GRM8: variants seen among roughly 807,000 people sequenced by gnomAD.
GRM8 encodes glutamate metabotropic receptor 8, also known as metabotropic glutamate receptor 8.
A neutral mutation model predicts 87.2 loss-of-function variants in GRM8; 47 were observed. The observed-to-expected ratio is 0.54, with a 90% CI of 0.43 to 0.69. The LOEUF is 0.69. GRM8 is among the 30% of genes least tolerant of loss of function. The pLI, the probability that GRM8 is intolerant of heterozygous loss-of-function variation, is 0.00. For missense variants in GRM8, 1,019 were observed against 1,139.2 expected (o/e 0.89, Z 1.52); for synonymous variants, 396 against 404.5 (o/e 0.98, Z 0.25).
At chr7:126,759,184 A>G (rs1817331618) in intron 7 of GRM8, among the ~76,000 whole-genome samples, 1 of 152,116 alleles carries the variant, frequency 6.6e-6, no homozygotes, top group Non-Finnish European at 1.5e-5. Flanking sequence ...AGCATAAGCC[A>G]CAGCGCCCAG....
chr7:127,186,739 T>C (rs780593545), intron 2 of GRM8, among the ~76,000 whole-genome samples: 2 of 152,190 alleles, frequency 1.3e-5, no homozygotes, highest in Non-Finnish European at 2.9e-5. Context: ...AGCTTTTCAG[T>C]TGTAATGCAA....
intron 2 of GRM8, among the ~76,000 whole-genome samples, chr7:127,207,569 G>A (rs1405441828): frequency 6.6e-6 from 1 of 152,128 alleles, no homozygotes; most frequent in Non-Finnish European, 1.5e-5. Context: ...TGCTAGGAAG[G>A]TGTTATTACA....
intron 7 of GRM8, among the ~76,000 whole-genome samples, chr7:126,749,485 CAAAAGATACCATTATG>C (rs1168479683): frequency 6.6e-6 from 1 of 151,074 alleles, no homozygotes; most frequent in Non-Finnish European, 1.5e-5. Flanking sequence ...AAATGTTTCT[CAAAAGATACCATTATG>C]AAAGTGAAAA....
intron 6 of GRM8, among the ~76,000 whole-genome samples, chr7:126,872,179 G>T (rs1799158260): frequency 6.6e-6 from 1 of 152,124 alleles, no homozygotes. Flanking sequence ...GTTCTCAGGA[G>T]AACTTCAACT....
rs3993578 is a variant in GRM8 at position 127,165,141 on chromosome 7, GATATATATATATATAT to G, written c.511-58445_511-58430del. ...GAGGCAGATAATAAACATGTAAACAGATATATATATATATATATATATATATATATATATATATATA... is the reference window on the plus strand; with the variant it reads ...GAGGCAGATAATAAACATGTAAACAGATATATATATATATATATATATATA... On this transcript the variant is annotated intron_variant, in intron 2 of 10. Transcript: ENST00000339582. 4.1e-3 allele frequency among the ~76,000 whole-genome samples: 275 copies of G among 67,408 alleles called. 3 individuals carry two copies. Among genetic ancestry groups the G allele is most frequent in the Middle Eastern group, 8.8e-3 (1 of 114 alleles). The allele number at this position is 67,408 out of a possible 152,430, so 44.2% of individuals were successfully genotyped here.
intron 3 of GRM8, among the ~76,000 whole-genome samples, chr7:127,015,340 G>C (rs981386549): frequency 1.1e-4 from 16 of 152,022 alleles, no homozygotes; most frequent in African/African-American, 3.9e-4. Flanking sequence ...TCCAATATAT[G>C]TGTCCTCCTA....
intron 7 of GRM8, among the ~76,000 whole-genome samples, chr7:126,665,333 A>C (rs767408334): frequency 1.3e-5 from 2 of 152,206 alleles, no homozygotes; most frequent in African/African-American, 2.4e-5. Flanking sequence ...TGCAATAGCA[A>C]AGACATGGAA....
intron 7 of GRM8, among the ~76,000 whole-genome samples, chr7:126,638,645 T>G (rs996519635): frequency 6.6e-6 from 1 of 152,270 alleles, no homozygotes; most frequent in East Asian, 1.9e-4. Flanking sequence ...GCCAGCAGGA[T>G]AAAAAGCAAT....
intron 9 of GRM8, among the ~76,000 whole-genome samples, chr7:126,516,009 A>T (rs1344759800): frequency 1.3e-5 from 2 of 152,080 alleles, no homozygotes; most frequent in African/African-American, 4.8e-5. Flanking sequence ...ATTTTATTCT[A>T]ATTTAAGCAA....
intron 7 of GRM8, among the ~76,000 whole-genome samples, chr7:126,647,358 G>A (rs920766287): frequency 3.0e-4 from 45 of 149,604 alleles, no homozygotes; most frequent in African/African-American, 1.1e-3. Context: ...GATATAGATA[G>A]ATATAAATAG....
chr7:126,719,545 G>T (rs926038515), intron 7 of GRM8, among the ~76,000 whole-genome samples: 1 of 152,318 alleles, frequency 6.6e-6, no homozygotes, highest in African/African-American at 2.4e-5. Flanking sequence ...ATGAAAGTAT[G>T]CTGTTGTAAG....
chr7:126,477,039 T>C lies in GRM8; in HGVS notation c.2431-30667A>G, dbSNP rs573158189. Among the ~76,000 whole-genome samples the C allele has an allele frequency of 2.6e-5, 4 of 152,262 alleles. No individual in the cohort carries two copies. The East Asian group carries it at 7.7e-4, about 29-fold the overall frequency. On this transcript the variant is annotated intron_variant, in intron 9 of 10. Transcript: ENST00000339582. ...TAAAAGTGAGATATATTCAATTCTTTAATAGATTATTATTCAGCCTTAAAA... is the reference window on the plus strand; with the variant it reads ...TAAAAGTGAGATATATTCAATTCTTCAATAGATTATTATTCAGCCTTAAAA...
At chr7:127,222,622 C>T (rs1260431075) in intron 2 of GRM8, among the ~76,000 whole-genome samples, 1 of 152,172 alleles carries the variant, frequency 6.6e-6, no homozygotes, top group African/African-American at 2.4e-5. Context: ...TCTTTCACAG[C>T]AGAGATCAGA....
chr7:126,544,108 T>A (rs930592527), intron 8 of GRM8, among the ~76,000 whole-genome samples: 1 of 152,208 alleles, frequency 6.6e-6, no homozygotes, highest in East Asian at 1.9e-4. Context: ...ATTGTAACAC[T>A]TTGGCATTAT....
chr7:126,808,009 T>C (rs1174689987), intron 6 of GRM8, among the ~76,000 whole-genome samples: 2 of 151,840 alleles, frequency 1.3e-5, no homozygotes, highest in Non-Finnish European at 2.9e-5. Flanking sequence ...AACCTCAGGG[T>C]AGAAAAAAAT....
At chr7:126,687,132 G>A (rs1405271037) in intron 7 of GRM8, among the ~76,000 whole-genome samples, 1 of 152,152 alleles carries the variant, frequency 6.6e-6, no homozygotes, top group Non-Finnish European at 1.5e-5. Context: ...CAATACGGTT[G>A]GCACATCTGG....
At chr7:126,988,986 T>C (rs977579544) in intron 3 of GRM8, among the ~76,000 whole-genome samples, 1 of 152,230 alleles carries the variant, frequency 6.6e-6, no homozygotes, top group African/African-American at 2.4e-5. Context: ...ATGTATTTCC[T>C]GGCACAGACT....
intron 7 of GRM8, among the ~76,000 whole-genome samples, chr7:126,734,154 A>G (rs1453213499): frequency 6.6e-6 from 1 of 151,990 alleles, no homozygotes; most frequent in Non-Finnish European, 1.5e-5. Flanking sequence ...ATAATATACT[A>G]CTGAGAGATA....
At chr7:127,052,746 T>C (rs768132956) in intron 3 of GRM8, among the ~76,000 whole-genome samples, 6 of 152,180 alleles carry the variant, frequency 3.9e-5, no homozygotes, top group Admixed American at 1.3e-4. Flanking sequence ...TACAACTAAC[T>C]AGCTTTTTCA....
Sources: allele counts gnomAD v4.1 joint callset (sites outside exome capture counted in the v4.1 genomes callset), GRCh38; gene constraint gnomAD v4.1.1; transcripts MANE v1.5; gene names NCBI Gene and HGNC (gene_info 2026-07-23, HGNC 2026-07-21).